PIWIL1: variants seen among roughly 807,000 people sequenced by gnomAD.
PIWIL1 encodes piwi-like protein 1.
Under a neutral mutation model 114.4 loss-of-function variants are expected in PIWIL1, and 73 were observed. That is an observed-to-expected ratio of 0.64 (90% CI 0.53 to 0.78). PIWIL1 has a LOEUF of 0.78. PIWIL1 is among the 30% of genes least tolerant of loss of function. The pLI, the probability that PIWIL1 is intolerant of heterozygous loss-of-function variation, is 0.00. For missense variants in PIWIL1, 723 were observed against 1,063.1 expected (o/e 0.68, Z 4.45); for synonymous variants, 375 against 369.0 (o/e 1.02, Z -0.19).
chr12:130,378,513 G>A, the PIWIL1 span, among the ~76,000 whole-genome samples: 757 of 152,264 alleles, frequency 5.0e-3, 4 homozygotes, highest in Admixed American at 0.013. Flanking sequence ...ATTTATATGG[G>A]AAGCATGTCT....
rs1053363818 is a variant in PIWIL1, at chr12:130,342,659, G to A, written c.68G>A (p.Gly23Asp). Residue 23 changes from glycine (G) to aspartate (D), a missense_variant, in exon 2 of 21, where the codon GGC becomes GAC. Gly to Asp is a moderately conservative substitution (Grantham distance 94). Coordinates refer to ENST00000245255, the MANE Select transcript of PIWIL1 (RefSeq NM_004764.5). ...GGTCAGGAGACAGCGCAGCTGGTGGGCTCCACTGCCGTGAGTGCTTCACCG... is the reference window on the plus strand; with the variant it reads ...GGTCAGGAGACAGCGCAGCTGGTGGACTCCACTGCCGTGAGTGCTTCACCG... ...ARGQETAQLVGSTASQQPGYI... is the reference protein window; with the variant it reads ...ARGQETAQLVDSTASQQPGYI... 1.2e-6 allele frequency: 2 copies of A among 1,612,216 alleles called. No individual in the cohort carries two copies. The highest frequency in any genetic ancestry group is 1.7e-6 in the Non-Finnish European group (2 of 1,178,434).
chr12:130,423,940 C>G, the PIWIL1 span, among the ~76,000 whole-genome samples: 5 of 152,086 alleles, frequency 3.3e-5, no homozygotes, highest in Non-Finnish European at 7.3e-5. Context: ...AATCATTACT[C>G]TAAGCACAGT....
the PIWIL1 span, chr12:130,425,047 G>A: frequency 5.0e-6 from 2 of 400,936 alleles, no homozygotes; most frequent in Admixed American, 8.9e-5. Context: ...TGGGTTACGG[G>A]GCTGGGGCGG....
intron 1 of PIWIL1, among the ~76,000 whole-genome samples, chr12:130,340,631 TTGGGGGAGGGGGGG>T (rs2072887767): frequency 4.1e-4 from 1 of 2,424 alleles, no homozygotes; most frequent in Non-Finnish European, 6.9e-4. Context: ...GTGGTGGTGG[TTGGGGGAGGGGGGG>T]TGGGGGGAGG....
At chr12:130,409,529 A>G in the PIWIL1 span, among the ~76,000 whole-genome samples, 4 of 151,632 alleles carry the variant, frequency 2.6e-5, no homozygotes, top group East Asian at 7.8e-4. Flanking sequence ...ATTTTTTTGT[A>G]TAGACGGGGT....
Position 130,349,219 on chromosome 12 carries a change from A to T in PIWIL1, c.735-20A>T. On this transcript the variant is annotated intron_variant, in intron 7 of 20. Coordinates refer to ENST00000245255, the MANE Select transcript of PIWIL1 (RefSeq NM_004764.5). Reference sequence around the variant, plus strand: ...GTTGAATGTGGAGAGGTTCTTCATGACCCCCATCTCGTCTGACAGGTTGGT... The same window carrying T: ...GTTGAATGTGGAGAGGTTCTTCATGTCCCCCATCTCGTCTGACAGGTTGGT... The T allele has an allele frequency of 3.1e-6, 5 of 1,598,076 alleles. No individual in the cohort carries two copies. The South Asian group carries it at 4.4e-5, about 14-fold the overall frequency.
intron 3 of PIWIL1, among the ~76,000 whole-genome samples, chr12:130,344,605 CAGTTCTGGTGTTTGTGGTCAGAAGAG>C (rs2073018179): frequency 6.6e-6 from 1 of 152,186 alleles, no homozygotes; most frequent in Admixed American, 6.5e-5. Flanking sequence ...AGAGAGTAGG[CAGTTCTGGTGTTTGTGGTCAGAAGAG>C]AACTGGACTC....
the PIWIL1 span, among the ~76,000 whole-genome samples, chr12:130,408,159 C>T: frequency 2.6e-5 from 4 of 152,202 alleles, no homozygotes. Context: ...TTGGCCAGCA[C>T]GGGGAGGCCG....
At chr12:130,412,051 C>T in the PIWIL1 span, among the ~76,000 whole-genome samples, 3 of 151,126 alleles carry the variant, frequency 2.0e-5, no homozygotes, top group African/African-American at 4.9e-5. Context: ...TGTTATTGCA[C>T]GTGGAAAAAA....
chr12:130,389,296 T>G, the PIWIL1 span, among the ~76,000 whole-genome samples: 1 of 152,106 alleles, frequency 6.6e-6, no homozygotes, highest in African/African-American at 2.4e-5. Flanking sequence ...TATCCAGGTA[T>G]ACACTTCTCT....
At position 130,342,670 on chromosome 12, in the gene PIWIL1, G is replaced by T. The variant is rs766519202; in HGVS notation, c.78+1G>T. On this transcript the variant is annotated splice_donor_variant, in intron 2 of 20. Coordinates refer to ENST00000245255, the MANE Select transcript of PIWIL1 (RefSeq NM_004764.5). LOFTEE classifies it high-confidence loss of function. ...AGCGCAGCTGGTGGGCTCCACTGCC[G>T]TGAGTGCTTCACCGTTTCTGACTAC... 2 of 1,608,616 alleles carry T rather than the reference G, an allele frequency of 1.2e-6. No individual in the cohort carries two copies. The highest frequency in any genetic ancestry group is 3.3e-5 in the Admixed American group (2 of 59,984).
the PIWIL1 span, chr12:130,396,228 T>G: frequency 1.3e-5 from 2 of 152,800 alleles, no homozygotes; most frequent in Non-Finnish European, 2.9e-5. Context: ...ATGGATTTCC[T>G]TTAATAATAA....
intron 13 of PIWIL1, 125 bp from the exon 14 acceptor site, chr12:130,357,356 C>A: frequency 2.8e-6 from 2 of 726,242 alleles, no homozygotes; most frequent in South Asian, 1.9e-5. Context: ...GCATGAATGG[C>A]TAGTCTCGGT....
the PIWIL1 span, among the ~76,000 whole-genome samples, chr12:130,406,531 G>A: frequency 6.6e-6 from 1 of 152,230 alleles, no homozygotes; most frequent in South Asian, 2.1e-4. Context: ...TTTAAAGCTA[G>A]TGAAATGGTT....
the PIWIL1 span, among the ~76,000 whole-genome samples, chr12:130,409,332 CTTTTTTTTTT>C: frequency 6.1e-5 from 4 of 65,402 alleles, no homozygotes; most frequent in Non-Finnish European, 8.7e-5. Context: ...CAAAATGTAG[CTTTTTTTTTT>C]TTTTTTTTTT....
chr12:130,384,214 T>G, the PIWIL1 span, among the ~76,000 whole-genome samples: 1 of 152,260 alleles, frequency 6.6e-6, no homozygotes, highest in Admixed American at 6.5e-5. Flanking sequence ...GTGTGTGGCA[T>G]GTACATTAAC....
chr12:130,401,288 G>GTAT, the PIWIL1 span, among the ~76,000 whole-genome samples: 1 of 151,932 alleles, frequency 6.6e-6, no homozygotes, highest in Non-Finnish European at 1.5e-5. Context: ...GCTAATTTTT[G>GTAT]TATTTTTAGT....
intron 1 of PIWIL1, 108 bp from the exon 2 acceptor site, chr12:130,342,472 C>T: frequency 2.9e-6 from 2 of 681,084 alleles, no homozygotes; most frequent in East Asian, 5.4e-5. Flanking sequence ...TAATAATTGC[C>T]TGGGGAGCTT....
chr12:130,385,937 T>A, the PIWIL1 span, among the ~76,000 whole-genome samples: 3 of 152,226 alleles, frequency 2.0e-5, no homozygotes, highest in Non-Finnish European at 2.9e-5. Flanking sequence ...CTTAAAAACA[T>A]ATCAGTCCTT....
Sources: gnomAD v4.1 joint callset for allele counts (sites outside exome capture counted in the v4.1 genomes callset) on GRCh38, gnomAD v4.1.1 for gene constraint, MANE v1.5 for transcripts, NCBI Gene and HGNC (gene_info 2026-07-23, HGNC 2026-07-21) for gene names.